The following HEBP1 variants were observed in gnomAD, a reference collection of about 807,000 sequenced individuals.
HEBP1 encodes heme-binding protein 1.
HEBP1 carries 13 observed loss-of-function variants against 20.4 expected under a neutral mutation model. That is an observed-to-expected ratio of 0.64 (90% CI 0.42 to 1.01). The LOEUF is 1.01. Among genes scored for constraint, HEBP1 ranks in the 50% least tolerant of loss-of-function variants. The pLI, the probability that HEBP1 is intolerant of heterozygous loss-of-function variation, is 0.00. For missense variants in HEBP1, 241 were observed against 247.3 expected, an observed-to-expected ratio of 0.97 and a Z score of 0.17; for synonymous variants, 92 against 90.7, an observed-to-expected ratio of 1.01 and a Z score of -0.08.
At chr12:12,994,088 T>C (rs138957612) in intron 1 of HEBP1, among the ~76,000 whole-genome samples, 1 of 152,174 alleles carries the variant, frequency 6.6e-6, no homozygotes, top group Non-Finnish European at 1.5e-5. Context: ...ATCAGGAGGA[T>C]GGTGAGGAGT....
chr12:12,975,287 G>T lies in HEBP1; in HGVS notation c.*21C>A. On this transcript the variant is annotated 3_prime_UTR_variant, in exon 4 of 4. Coordinates refer to ENST00000014930, the MANE Select transcript of HEBP1 (RefSeq NM_015987.5). The stretch of plus-strand genomic sequence containing the variant: ...AGACACAGAGGCACACTTCCAGTAA[G>T]TTCTTGGTTCAGTGGGTCACTCATG... 1 of 1,611,486 alleles carries T rather than the reference G, an allele frequency of 6.2e-7. No homozygotes were observed. Among genetic ancestry groups the T allele is most frequent in the Non-Finnish European group, 8.5e-7 (1 of 1,178,766 alleles).
At chr12:12,977,203 T>G (rs1195359123) in intron 3 of HEBP1, among the ~76,000 whole-genome samples, 1 of 152,166 alleles carries the variant, frequency 6.6e-6, no homozygotes, top group African/African-American at 2.4e-5. Flanking sequence ...AATCTTCAGG[T>G]TTTTCACTGG....
rs541374935 is a variant in HEBP1, at chr12:12,991,513, C to T, written c.79-2098G>A. Among the ~76,000 whole-genome samples, 3 of 152,320 alleles carry T rather than the reference C, an allele frequency of 2.0e-5. No individual in the cohort carries two copies. The South Asian group carries it at 6.2e-4, about 32-fold the overall frequency. On this transcript the variant is annotated intron_variant, in intron 1 of 3. Transcript: ENST00000014930. The stretch of plus-strand genomic sequence containing the variant: ...AGGCCCTGTCCTTGGACTATCCTTT[C>T]CCTGGTGTTTACTCATTATGGACCC...
chr12:12,988,339 T>A lies in HEBP1; in HGVS notation c.217+938A>T, dbSNP rs575028391. Among the ~76,000 whole-genome samples the A allele has an allele frequency of 2.6e-5, 4 of 152,344 alleles. No individual in the cohort carries two copies. The South Asian group carries it at 8.3e-4, about 32-fold the overall frequency. On this transcript the variant is annotated intron_variant, in intron 2 of 3. Coordinates refer to ENST00000014930, the MANE Select transcript of HEBP1 (RefSeq NM_015987.5). Reference sequence around the variant, plus strand: ...CATTTAAAAAAATGTTAAGACAGTGTTAAGAAGGAAAAGATTTCTTCCTGA... The same window carrying A: ...CATTTAAAAAAATGTTAAGACAGTGATAAGAAGGAAAAGATTTCTTCCTGA...
At chr12:12,985,963 A>G in intron 3 of HEBP1, 1 of 152,230 alleles carries the variant, frequency 6.6e-6, no homozygotes, top group East Asian at 1.9e-4. Context: ...AACCCAGGGC[A>G]CAAGATTTAA....
rs35369213 is a variant in HEBP1, at chr12:12,996,650, T to TA, written c.78+3386dup. 1.2e-4 allele frequency among the ~76,000 whole-genome samples: 18 copies of TA among 150,684 alleles called. 1 individual carries two copies. Among genetic ancestry groups the TA allele is most frequent in the Non-Finnish European group, 1.6e-4 (11 of 67,750 alleles). ...AATAATACCTTTATGTTTGTATATT[T>TA]AAAAAAAAAAAGGTTTACAAGTATC... On this transcript the variant is annotated intron_variant, in intron 1 of 3. Coordinates refer to ENST00000014930, the MANE Select transcript of HEBP1 (RefSeq NM_015987.5). This position sits in a 1 kb window ranked among gnomAD's most constrained non-coding sequence, Gnocchi z 4.1.
At chr12:12,981,592 C>A (rs978200787) in intron 3 of HEBP1, among the ~76,000 whole-genome samples, 3 of 152,190 alleles carry the variant, frequency 2.0e-5, no homozygotes, top group African/African-American at 7.2e-5. Context: ...AAACTTCCCA[C>A]CTAGTGCAAA....
intron 1 of HEBP1, among the ~76,000 whole-genome samples, chr12:12,991,946 G>A (rs1486974048): frequency 1.3e-5 from 2 of 152,198 alleles, no homozygotes; most frequent in African/African-American, 4.8e-5. Context: ...CTATACCACA[G>A]AGCTTTACAT....
chr12:12,991,135 A>G (rs1591576414), intron 1 of HEBP1, among the ~76,000 whole-genome samples: 1 of 152,186 alleles, frequency 6.6e-6, no homozygotes, highest in Non-Finnish European at 1.5e-5. Context: ...TCTCCATTAC[A>G]ATTCCCCTGT....
At chr12:12,978,263 T>C (rs565385393) in intron 3 of HEBP1, among the ~76,000 whole-genome samples, 1 of 132,168 alleles carries the variant, frequency 7.6e-6, no homozygotes, top group Non-Finnish European at 1.5e-5. Flanking sequence ...CAGGCTGAAG[T>C]GCAGTGGCGC....
intron 1 of HEBP1, among the ~76,000 whole-genome samples, chr12:12,993,857 G>C (rs1170304873): frequency 6.6e-6 from 1 of 152,170 alleles, no homozygotes; most frequent in Non-Finnish European, 1.5e-5. Flanking sequence ...TAGGGGGCAA[G>C]GAGTGCCAGG....
At chr12:12,975,593 A>C (rs1863970180) in intron 3 of HEBP1, 114 bp from the exon 4 acceptor site, 2 of 863,242 alleles carry the variant, frequency 2.3e-6, no homozygotes, top group African/African-American at 3.5e-5. Context: ...CTAGAGTGGT[A>C]AGACTGGGGA....
chr12:12,985,063 G>T (rs1182710841), intron 3 of HEBP1, among the ~76,000 whole-genome samples: 1 of 150,652 alleles, frequency 6.6e-6, no homozygotes, highest in Non-Finnish European at 1.5e-5. Flanking sequence ...CAGGAGAATT[G>T]CTTGAACCCA....
At chr12:12,987,612 T>TCTCTCTCTCTCTTTC (rs1230851526) in intron 2 of HEBP1, among the ~76,000 whole-genome samples, 7 of 117,786 alleles carry the variant, frequency 5.9e-5, no homozygotes, top group African/African-American at 1.5e-4. Context: ...CTCTCTCTCT[T>TCTCTCTCTCTCTTTC]TCTCTCTCTC....
chr12:12,993,534 G>A (rs850946), intron 1 of HEBP1, among the ~76,000 whole-genome samples: 10,396 of 138,706 alleles, frequency 0.075, 447 homozygotes, highest in East Asian at 0.15. Flanking sequence ...ATGGGGTCTT[G>A]CAATGTTGCC....
chr12:12,981,369 G>A (rs989415786), intron 3 of HEBP1, among the ~76,000 whole-genome samples: 3 of 152,134 alleles, frequency 2.0e-5, no homozygotes, highest in Non-Finnish European at 4.4e-5. Context: ...AGCATGAGAC[G>A]TGTTGACCCG....
Position 12,989,666 on chromosome 12 carries a change from A to G in HEBP1, c.79-251T>C, listed in dbSNP as rs188317012. Among the ~76,000 whole-genome samples, 13 of 152,356 alleles carry G rather than the reference A, an allele frequency of 8.5e-5. 1 individual carries two copies. Among genetic ancestry groups the G allele is most frequent in the Admixed American group, 6.5e-4 (10 of 15,306 alleles). On this transcript the variant is annotated intron_variant, in intron 1 of 3. Transcript: ENST00000014930. ...GAAGATATTGCATCCTGAAAACCAG[A>G]ATGCTACAAAAATGGAACATTCAGA...
chr12:12,992,810 T>A (rs551377824), intron 1 of HEBP1, among the ~76,000 whole-genome samples: 8 of 152,330 alleles, frequency 5.3e-5, no homozygotes, highest in African/African-American at 1.9e-4. Flanking sequence ...TGTAATGTTT[T>A]AAATTCCAGA....
rs148089326 is a variant in HEBP1 at position 12,975,575 on chromosome 12, C to A, written c.399-96G>T. ...AAGTCACTCACCATGTTTATTATGA[C>A]AAGCATGCTAGAGTGGTAAGACTGG... On this transcript the variant is annotated intron_variant, in intron 3 of 3. Coordinates refer to ENST00000014930, the MANE Select transcript of HEBP1 (RefSeq NM_015987.5). 1.7e-5 allele frequency: 19 copies of A among 1,089,458 alleles called. No homozygotes were observed. The East Asian group carries it at 4.7e-4, about 27-fold the overall frequency. 67.5% of individuals were successfully genotyped at this position (1,089,458 alleles called of 1,614,324 possible). A position where few individuals can be genotyped will look rare whatever the true frequency, so the allele number is the denominator to read the frequency against.
Sources: gnomAD v4.1 joint callset for allele counts (sites outside exome capture counted in the v4.1 genomes callset) on GRCh38, gnomAD v4.1.1 for gene constraint, Gnocchi (gnomAD v3.1) non-coding constraint, MANE v1.5 for transcripts, NCBI Gene and HGNC (gene_info 2026-07-23, HGNC 2026-07-21) for gene names.